PAMR1: variants seen among roughly 807,000 people sequenced by gnomAD.
PAMR1 encodes peptidase domain containing associated with muscle regeneration 1, also known as inactive serine protease PAMR1.
Under a neutral mutation model 81.8 loss-of-function variants are expected in PAMR1, and 88 were observed. The observed-to-expected ratio is 1.08, with a 90% CI of 0.91 to 1.28. The LOEUF (loss-of-function observed/expected upper bound fraction) is 1.28, where lower values mean the gene tolerates loss of function less well. PAMR1 is among the 50% of genes most tolerant of loss of function. PAMR1 has a pLI of 0.00. For missense variants in PAMR1, 935 were observed against 919.7 expected, an observed-to-expected ratio of 1.02 and a Z score of -0.21; for synonymous variants, 336 against 345.3, an observed-to-expected ratio of 0.97 and a Z score of 0.30.
chr11:35,513,292 A>T (rs993080346), intron 1 of PAMR1: 4 of 152,262 alleles, frequency 2.6e-5, no homozygotes, highest in African/African-American at 9.6e-5. Context: ...AATCCTTACA[A>T]CAACCCTATA....
chr11:35,470,265 A>G (rs879654369), intron 5 of PAMR1, among the ~76,000 whole-genome samples: 11 of 152,200 alleles, frequency 7.2e-5, no homozygotes, highest in Admixed American at 2.0e-4. Context: ...GCTCCCAACC[A>G]TGAGAGGTCA....
chr11:35,492,861 G>C (rs1850656124), intron 2 of PAMR1, among the ~76,000 whole-genome samples: 1 of 152,158 alleles, frequency 6.6e-6, no homozygotes, highest in African/African-American at 2.4e-5. Flanking sequence ...TGAGGGAGAG[G>C]GGGGTCGTGA....
intron 1 of PAMR1, among the ~76,000 whole-genome samples, chr11:35,519,028 C>T (rs1350160082): frequency 6.6e-6 from 1 of 152,152 alleles, no homozygotes; most frequent in Non-Finnish European, 1.5e-5. Flanking sequence ...CTGAGACAGC[C>T]AGAACCTCAG....
At chr11:35,505,552 GATATTT>G (rs1300424532) in intron 1 of PAMR1, among the ~76,000 whole-genome samples, 1 of 152,040 alleles carries the variant, frequency 6.6e-6, no homozygotes, top group African/African-American at 2.4e-5. Context: ...TGGGTGCATA[GATATTT>G]ATAATTGTTA....
intron 6 of PAMR1, among the ~76,000 whole-genome samples, chr11:35,442,894 T>C (rs12793233): frequency 0.37 from 55,764 of 152,084 alleles, 10,619 homozygotes; most frequent in African/African-American, 0.47. Context: ...TAAGCCACCA[T>C]AACTGACCTT....
At chr11:35,517,724 T>C (rs912058574) in intron 1 of PAMR1, among the ~76,000 whole-genome samples, 7 of 152,242 alleles carry the variant, frequency 4.6e-5, no homozygotes, top group African/African-American at 1.7e-4. Flanking sequence ...AAACCCATTT[T>C]GGGAAATGCC....
intron 1 of PAMR1, among the ~76,000 whole-genome samples, chr11:35,516,324 T>G (rs1352017703): frequency 6.6e-6 from 1 of 152,242 alleles, no homozygotes; most frequent in Non-Finnish European, 1.5e-5. Context: ...GCACCTCATA[T>G]GCCTACTTTT....
intron 6 of PAMR1, among the ~76,000 whole-genome samples, chr11:35,454,025 C>A (rs1856474305): frequency 6.6e-6 from 1 of 152,122 alleles, no homozygotes. Flanking sequence ...TAAAGAAAGA[C>A]CTTTCTTATT....
At chr11:35,471,860 C>T (rs1367145082) in intron 4 of PAMR1, among the ~76,000 whole-genome samples, 1 of 152,198 alleles carries the variant, frequency 6.6e-6, no homozygotes, top group Non-Finnish European at 1.5e-5. Context: ...TCTGTACCTT[C>T]TCCTCCACAC....
chr11:35,434,803 G>T lies in PAMR1; in HGVS notation c.1335C>A (p.Ile445=). The T allele has an allele frequency of 6.2e-7, 1 of 1,611,344 alleles. No homozygotes were observed. The highest frequency in any genetic ancestry group is 8.5e-7 in the Non-Finnish European group (1 of 1,177,708). ...CAGTGATGTTCTCAATTTTCCCGCA[G>T]ACTATGGAGAAAGTACCAGCTTAGT... ...WSGRAPSCIP[I]CGKIENITAP... The change falls in exon 10 of 11, where the codon ATC becomes ATA. Residue 445 remains isoleucine, a splice_region_variant and synonymous_variant. Coordinates refer to ENST00000619888, the MANE Select transcript of PAMR1 (RefSeq NM_001001991.3).
At chr11:35,524,782 A>G (rs545480599) in intron 1 of PAMR1, among the ~76,000 whole-genome samples, 100 of 152,296 alleles carry the variant, frequency 6.6e-4, no homozygotes, top group African/African-American at 2.3e-3. Context: ...TCTCCGTATC[A>G]TGTCCCAGCC....
chr11:35,483,942 G>A (rs1024567826), intron 3 of PAMR1, among the ~76,000 whole-genome samples: 1 of 152,166 alleles, frequency 6.6e-6, no homozygotes, highest in African/African-American at 2.4e-5. Context: ...CTTGTGCCCA[G>A]TGTGTATTCT....
At chr11:35,525,171 G>A (rs1223326578) in intron 1 of PAMR1, among the ~76,000 whole-genome samples, 1 of 152,138 alleles carries the variant, frequency 6.6e-6, no homozygotes, top group Non-Finnish European at 1.5e-5. Context: ...AAGTCAGAGC[G>A]GGTAACTCAG....
At chr11:35,473,046 G>A (rs1270455826) in intron 4 of PAMR1, among the ~76,000 whole-genome samples, 1 of 152,184 alleles carries the variant, frequency 6.6e-6, no homozygotes, top group Non-Finnish European at 1.5e-5. Context: ...TGGGAGATGG[G>A]TGTGGCTTGA....
intron 3 of PAMR1, among the ~76,000 whole-genome samples, chr11:35,487,514 C>T (rs747741355): frequency 2.6e-5 from 4 of 152,234 alleles, no homozygotes; most frequent in Non-Finnish European, 4.4e-5. Flanking sequence ...CATCAGCCAA[C>T]GTCCTAACTG....
intron 8 of PAMR1, among the ~76,000 whole-genome samples, chr11:35,437,170 A>C (rs183211416): frequency 6.6e-6 from 1 of 152,330 alleles, no homozygotes; most frequent in East Asian, 1.9e-4. Flanking sequence ...AGATGTGCAC[A>C]CACTCTGCAG....
At chr11:35,465,576 A>G (rs1374087089) in intron 6 of PAMR1, among the ~76,000 whole-genome samples, 1 of 152,232 alleles carries the variant, frequency 6.6e-6, no homozygotes, top group African/African-American at 2.4e-5. Context: ...CGTGTCCCCC[A>G]GTGAGTTAGT....
In PAMR1 at chr11:35,435,928, A is replaced by C. The variant is rs1322375100; in HGVS notation, c.1308T>G (p.Ser436Arg). Reference sequence around the variant, plus strand: ...TAGGGATGCAGGATGGTGCCCGCCCACTCCACTTCCCAGTCCTCAGACATG... The same window carrying C: ...TAGGGATGCAGGATGGTGCCCGCCCCCTCCACTTCCCAGTCCTCAGACATG... ...RRTCLRTGKW[S>R]GRAPSCIPIC... The change falls in exon 9 of 11, where the codon AGT (serine) becomes AGG (arginine). Residue 436 changes from serine (S) to arginine (R), a missense_variant. By Grantham distance (110) the Ser-to-Arg change is moderately radical. Transcript: ENST00000619888. 1 of 1,613,784 alleles carries C rather than the reference A, an allele frequency of 6.2e-7. No homozygotes were observed.
At chr11:35,526,382 A>T (rs1243536786), upstream of PAMR1, among the ~76,000 whole-genome samples, 1 of 152,212 alleles carries the variant, frequency 6.6e-6, no homozygotes, top group Admixed American at 6.5e-5. Flanking sequence ...GATGGCGAAG[A>T]ACACACAAGA....
Sources: allele counts gnomAD v4.1 joint callset (sites outside exome capture counted in the v4.1 genomes callset), GRCh38; gene constraint gnomAD v4.1.1; transcripts MANE v1.5; gene names NCBI Gene and HGNC (gene_info 2026-07-23, HGNC 2026-07-21).